The following ORMDL2 variants were observed in gnomAD, a reference collection of about 807,000 sequenced individuals.
The protein encoded by ORMDL2 is ORM1-like protein 2.
In ORMDL2, 11 loss-of-function variants were observed where a neutral mutation model predicts 13.5. The ratio of observed to expected loss-of-function variants is 0.82; its 90% confidence interval spans 0.51 to 1.35. The LOEUF is 1.35. Ranked by LOEUF, ORMDL2 falls within the 40% of genes most tolerant of loss-of-function variation. The pLI is 0.00. For synonymous variants in ORMDL2, 73 were observed against 76.5 expected (o/e 0.95, Z 0.24); for missense variants, 160 against 191.1 (o/e 0.84, Z 0.96).
chr12:55,818,984 C>A lies in ORMDL2; in HGVS notation c.-1-15C>A. On this transcript the variant is annotated splice_polypyrimidine_tract_variant and intron_variant, in intron 1 of 3. Coordinates refer to ENST00000243045, the MANE Select transcript of ORMDL2 (RefSeq NM_014182.5). ...AACTGAGCTGGACTCCTGCCTGATCCCCCATTACGGCTAGGATGAATGTGG... is the reference window on the plus strand; with the variant it reads ...AACTGAGCTGGACTCCTGCCTGATCACCCATTACGGCTAGGATGAATGTGG... 1 of 1,607,412 alleles carries A rather than the reference C, an allele frequency of 6.2e-7. No individual in the cohort carries two copies. The highest frequency in any genetic ancestry group is 1.7e-4 in the Middle Eastern group (1 of 6,036).
chr12:55,818,961 C>A (rs1381290226), intron 1 of ORMDL2, 38 bp from the exon 2 acceptor site: 1 of 1,588,380 alleles, frequency 6.3e-7, no homozygotes, highest in Non-Finnish European at 8.6e-7. Flanking sequence ...TGAGAAAAAA[C>A]TGAGCTGGAC....
At position 55,820,519 on chromosome 12, in the gene ORMDL2, T is replaced by C; in HGVS notation, c.*124T>C. ...TTTAAAGCCTGAGAACTATACAACC[T>C]TTCCCAGACTCCCAAGAAGAGAAGA... is the stretch of plus-strand genomic sequence containing the variant. On this transcript the variant is annotated 3_prime_UTR_variant, in exon 4 of 4. Transcript: ENST00000243045. The C allele has an allele frequency of 8.8e-7, 1 of 1,135,568 alleles. No individual in the cohort carries two copies. Among genetic ancestry groups the C allele is most frequent in the Non-Finnish European group, 1.3e-6 (1 of 757,944 alleles). 70.3% of individuals were successfully genotyped at this position (1,135,568 alleles called of 1,614,324 possible).
chr12:55,818,268 G>A, intron 1 of ORMDL2, 156 bp downstream of exon 1: 2 of 321,862 alleles, frequency 6.2e-6, no homozygotes, highest in South Asian at 2.2e-5. Context: ...GGGGCATGGG[G>A]CGGGCTTAAG....
chr12:55,818,870 AT>A, intron 1 of ORMDL2, 128 bp from the exon 2 acceptor site: 1 of 724,034 alleles, frequency 1.4e-6, no homozygotes, highest in South Asian at 2.0e-5. Flanking sequence ...TTTCTGCGTG[AT>A]GGGTAAGTTC....
chr12:55,820,179 G>T, intron 3 of ORMDL2, 81 bp from the exon 4 acceptor site: 1 of 1,336,900 alleles, frequency 7.5e-7, no homozygotes, highest in Non-Finnish European at 1.0e-6. Context: ...GGGAAACATG[G>T]TGAGAACTGT....
Position 55,821,837 on chromosome 12 carries a change from C to T in ORMDL2, c.*1442C>T. 1 of 936,316 alleles carries T rather than the reference C, an allele frequency of 1.1e-6. No individual in the cohort carries two copies. Among genetic ancestry groups the T allele is most frequent in the Non-Finnish European group, 1.5e-6 (1 of 651,294 alleles). 58.0% of individuals were successfully genotyped at this position (936,316 alleles called of 1,614,324 possible). A position where few individuals can be genotyped will look rare whatever the true frequency, so the allele number is the denominator to read the frequency against. The stretch of plus-strand genomic sequence containing the variant: ...ACACCACTGCACTCCAGCTGGGCAA[C>T]AGAGCAAGACTCCATCTCAAAAAAT... On this transcript the variant is annotated 3_prime_UTR_variant, in exon 4 of 4. Coordinates refer to ENST00000243045, the MANE Select transcript of ORMDL2 (RefSeq NM_014182.5).
chr12:55,819,333 T>A lies in ORMDL2; in HGVS notation c.175-9T>A, dbSNP rs1291841315. 6.2e-7 allele frequency: 1 copy of A among 1,611,688 alleles called. No homozygotes were observed. The highest frequency in any genetic ancestry group is 8.5e-7 in the Non-Finnish European group (1 of 1,178,270). On this transcript the variant is annotated splice_polypyrimidine_tract_variant and intron_variant, in intron 2 of 3. Coordinates refer to ENST00000243045, the MANE Select transcript of ORMDL2 (RefSeq NM_014182.5). ...CTGCCCCTCACACTGCCACCTTCCC[T>A]GTTCCCAGGCTACGTATGTCTTCCT...
intron 3 of ORMDL2, 79 bp downstream of exon 3, chr12:55,819,572 G>C: frequency 7.5e-7 from 1 of 1,328,002 alleles, no homozygotes; most frequent in South Asian, 1.3e-5. Context: ...TAGGGAAGCT[G>C]TTAAAAAGCA....
chr12:55,820,223 G>A (rs776543994), intron 3 of ORMDL2, 37 bp from the exon 4 acceptor site: 1 of 1,587,570 alleles, frequency 6.3e-7, no homozygotes, highest in African/African-American at 1.4e-5. Context: ...GGATAGAGAA[G>A]GTCAACCTCA....
In ORMDL2 at chr12:55,819,491, G is replaced by A. The variant is rs752220054; in HGVS notation, c.324G>A (p.Val108=). Residue 108 remains valine, a splice_region_variant and synonymous_variant, in exon 3 of 4, where the codon GTG becomes GTA. Coordinates refer to ENST00000243045, the MANE Select transcript of ORMDL2 (RefSeq NM_014182.5). ...SRKFLSISPI[V]LYLLASFYTK... ...AGTTCCTCAGCATCTCTCCTATTGTGCTGTGAGTCTATGGGGGAAATGAGA... is the reference window on the plus strand; with the variant it reads ...AGTTCCTCAGCATCTCTCCTATTGTACTGTGAGTCTATGGGGGAAATGAGA... 3.1e-6 allele frequency: 5 copies of A among 1,613,604 alleles called. No individual in the cohort carries two copies. The South Asian group carries it at 5.5e-5, about 18-fold the overall frequency.
intron 1 of ORMDL2, 38 bp from the exon 2 acceptor site, chr12:55,818,961 C>T: frequency 6.3e-7 from 1 of 1,588,380 alleles, no homozygotes; most frequent in Middle Eastern, 1.7e-4. Context: ...TGAGAAAAAA[C>T]TGAGCTGGAC....
rs754591802 is a variant in ORMDL2 at position 55,819,408 on chromosome 12, C to G, written c.241C>G (p.Arg81Gly). Reference protein sequence around the residue: ...PFETPDQGKARLLTHWEQMDY... With the variant: ...PFETPDQGKAGLLTHWEQMDY... ...TGAGACTCCTGACCAAGGAAAGGCT[C>G]GGCTACTGACACACTGGGAGCAAAT... The change falls in exon 3 of 4, where the codon CGG (arginine) becomes GGG (glycine). Residue 81 changes from arginine (R) to glycine (G), a missense_variant. By Grantham distance (125) the Arg-to-Gly change is moderately radical (BLOSUM62 -2). Transcript: ENST00000243045. 6.2e-7 allele frequency: 1 copy of G among 1,614,054 alleles called. No homozygotes were observed. The highest frequency in any genetic ancestry group is 1.7e-5 in the Admixed American group (1 of 60,016).
intron 1 of ORMDL2, 29 bp downstream of exon 1, chr12:55,818,141 C>A (rs932629609): frequency 3.4e-5 from 16 of 464,680 alleles, no homozygotes; most frequent in African/African-American, 3.2e-4. Context: ...GTAAGGGTTG[C>A]TGAGGAAAAA....
intron 3 of ORMDL2, 78 bp downstream of exon 3, chr12:55,819,571 T>C: frequency 7.4e-7 from 1 of 1,351,012 alleles, no homozygotes; most frequent in Admixed American, 2.1e-5. Context: ...ATAGGGAAGC[T>C]GTTAAAAAGC....
At position 55,820,783 on chromosome 12, in the gene ORMDL2, T is replaced by G; in HGVS notation, c.*388T>G. ...ATAGCTGCAGTTTAATCAGGATGGG[T>G]AGAGAGCTGTCCTCATAAGGCTGGG... is the stretch of plus-strand genomic sequence containing the variant. On this transcript the variant is annotated 3_prime_UTR_variant, in exon 4 of 4. Transcript: ENST00000243045. 4.6e-6 allele frequency: 1 copy of G among 217,186 alleles called. No individual in the cohort carries two copies. Among genetic ancestry groups the G allele is most frequent in the Non-Finnish European group, 9.6e-6 (1 of 104,564 alleles). 13.5% of individuals were successfully genotyped at this position (217,186 alleles called of 1,614,324 possible). A position where few individuals can be genotyped will look rare whatever the true frequency, so the allele number is the denominator to read the frequency against.
chr12:55,819,269 T>G lies in ORMDL2; in HGVS notation c.175-73T>G, dbSNP rs1880597359. 7 of 1,589,584 alleles carry G rather than the reference T, an allele frequency of 4.4e-6. No homozygotes were observed. In the Admixed American group the frequency reaches 1.0e-4, roughly 23 times the overall value. ...TGTTTGGGGATTTATGTGTTCCTTT[T>G]GGGATCTTAACATAATTCTTTGACT... On this transcript the variant is annotated intron_variant, in intron 2 of 3. Transcript: ENST00000243045.
At position 55,819,337 on chromosome 12, in the gene ORMDL2, C is replaced by T. The variant is rs1199583104; in HGVS notation, c.175-5C>T. The T allele has an allele frequency of 6.2e-7, 1 of 1,612,376 alleles. No homozygotes were observed. The highest frequency in any genetic ancestry group is 1.7e-5 in the Admixed American group (1 of 59,824). On this transcript the variant is annotated splice_polypyrimidine_tract_variant and splice_region_variant and intron_variant, in intron 2 of 3. Coordinates refer to ENST00000243045, the MANE Select transcript of ORMDL2 (RefSeq NM_014182.5). ...CCCTCACACTGCCACCTTCCCTGTTCCCAGGCTACGTATGTCTTCCTTCAT... is the reference window on the plus strand; with the variant it reads ...CCCTCACACTGCCACCTTCCCTGTTTCCAGGCTACGTATGTCTTCCTTCAT...
In ORMDL2 at chr12:55,819,225, G is replaced by A. The variant is rs754490172; in HGVS notation, c.174+52G>A. On this transcript the variant is annotated intron_variant, in intron 2 of 3. Coordinates refer to ENST00000243045, the MANE Select transcript of ORMDL2 (RefSeq NM_014182.5). The stretch of plus-strand genomic sequence containing the variant: ...CCACCCCAGGGTTTCCCAACCAAAA[G>A]CAAAATAAAATCACCAATTGTTTGG... 5.0e-6 allele frequency: 8 copies of A among 1,593,520 alleles called. No individual in the cohort carries two copies. In the African/African-American group the frequency reaches 1.1e-4, roughly 21 times the overall value.
chr12:55,820,179 G>A (rs1268692136), intron 3 of ORMDL2, 81 bp from the exon 4 acceptor site: 10 of 1,336,782 alleles, frequency 7.5e-6, no homozygotes, highest in East Asian at 2.3e-5. Context: ...GGGAAACATG[G>A]TGAGAACTGT....
Sources: gnomAD v4.1 joint callset for allele counts on GRCh38, gnomAD v4.1.1 for gene constraint, MANE v1.5 for transcripts, NCBI Gene and HGNC (gene_info 2026-07-23, HGNC 2026-07-21) for gene names.